The following KANSL2 variants were observed in gnomAD, a reference collection of about 807,000 sequenced individuals.
KANSL2 encodes the protein NSL complex protein NSL2.
A neutral mutation model predicts 55.6 loss-of-function variants in KANSL2; 34 were observed. That is an observed-to-expected ratio of 0.61 (90% confidence interval 0.46 to 0.81). The LOEUF (loss-of-function observed/expected upper bound fraction) is 0.81. Among genes scored for constraint, KANSL2 ranks in the 40% least tolerant of loss-of-function variants. The pLI, the probability that KANSL2 is intolerant of heterozygous loss-of-function variation, is 0.00. For synonymous variants in KANSL2, 209 were observed against 214.3 expected, an observed-to-expected ratio of 0.98 and a Z score of 0.22; for missense variants, 502 against 609.9, an observed-to-expected ratio of 0.82 and a Z score of 1.86.
At chr12:48,662,839 T>C (rs940891217) in intron 7 of KANSL2, among the ~76,000 whole-genome samples, 1 of 152,214 alleles carries the variant, frequency 6.6e-6, no homozygotes, top group Admixed American at 6.5e-5. Flanking sequence ...CCTTAGTATC[T>C]GTAAACTGAG....
chr12:48,662,572 G>A, intron 7 of KANSL2: 2 of 1,284,038 alleles, frequency 1.6e-6, no homozygotes, highest in South Asian at 2.5e-5. Context: ...CTAGAGTCTG[G>A]GTCCTTCACT....
chr12:48,666,570 G>A (rs1266549194), intron 7 of KANSL2, among the ~76,000 whole-genome samples: 3 of 151,226 alleles, frequency 2.0e-5, no homozygotes, highest in Admixed American at 6.6e-5. Context: ...GCACGTGCCT[G>A]TAATCCCAGC....
intron 7 of KANSL2, among the ~76,000 whole-genome samples, chr12:48,664,934 T>G (rs1391814552): frequency 4.4e-5 from 6 of 137,894 alleles, no homozygotes; most frequent in Non-Finnish European, 7.7e-5. Context: ...TCACCCAAAG[T>G]AGAATGCAGT....
intron 7 of KANSL2, among the ~76,000 whole-genome samples, chr12:48,660,907 C>T (rs1234102169): frequency 6.6e-6 from 1 of 152,140 alleles, no homozygotes; most frequent in African/African-American, 2.4e-5. Flanking sequence ...CTCCCTTAAG[C>T]AAGTAGCAGT....
Position 48,653,968 on chromosome 12 carries a change from G to C in KANSL2, c.*76C>G. 7.0e-7 allele frequency: 1 copy of C among 1,428,060 alleles called. No individual in the cohort carries two copies. Among genetic ancestry groups the C allele is most frequent in the Non-Finnish European group, 9.4e-7 (1 of 1,069,164 alleles). 88.5% of individuals were successfully genotyped at this position (1,428,060 alleles called of 1,614,324 possible). ...AGGTAGTCTGGGTTGCCTGTGTTTT[G>C]TGAGAGATGATCAGAAATACTTCTT... On this transcript the variant is annotated 3_prime_UTR_variant, in exon 10 of 10. Transcript: ENST00000420613.
chr12:48,675,432 G>A (rs1481857318), intron 4 of KANSL2, among the ~76,000 whole-genome samples: 2 of 152,038 alleles, frequency 1.3e-5, no homozygotes, highest in Admixed American at 6.6e-5. Context: ...GGTTTCACAA[G>A]GTGACTAAGT....
intron 5 of KANSL2, among the ~76,000 whole-genome samples, chr12:48,669,595 G>A (rs1463075714): frequency 6.6e-6 from 1 of 151,312 alleles, no homozygotes; most frequent in Admixed American, 6.6e-5. Flanking sequence ...TTGGCTCACT[G>A]CAAGCTCCGC....
rs532320833 is a variant in KANSL2 at position 48,681,343 on chromosome 12, G to A, written c.251+39C>T. 1.9e-6 allele frequency: 3 copies of A among 1,558,910 alleles called. No homozygotes were observed. In the South Asian group the frequency reaches 3.7e-5, roughly 19 times the overall value. On this transcript the variant is annotated intron_variant, in intron 2 of 9. Coordinates refer to ENST00000420613, the MANE Select transcript of KANSL2 (RefSeq NM_017822.4). ...CCCGCATCATATCACATACCCCCTCGCTTTAAGAAAAACGACATATATATC... is the reference window on the plus strand; with the variant it reads ...CCCGCATCATATCACATACCCCCTCACTTTAAGAAAAACGACATATATATC...
intron 8 of KANSL2, 100 bp downstream of exon 8, chr12:48,660,266 T>G: frequency 8.0e-7 from 1 of 1,255,808 alleles, no homozygotes; most frequent in South Asian, 1.5e-5. Flanking sequence ...TTCAAAAACT[T>G]TGTCGATTCT....
intron 5 of KANSL2, among the ~76,000 whole-genome samples, chr12:48,671,274 T>TTA (rs1555155291): frequency 4.3e-4 from 61 of 142,316 alleles, no homozygotes; most frequent in African/African-American, 1.6e-3. Flanking sequence ...CCGTCTCAAT[T>TTA]AAAAAAAAAA....
chr12:48,662,461 T>C, intron 7 of KANSL2: 3 of 1,095,268 alleles, frequency 2.7e-6, no homozygotes, highest in Non-Finnish European at 3.4e-6. Context: ...ATGTATTTAA[T>C]ACCACAATAT....
At chr12:48,666,176 A>G (rs948795316) in intron 7 of KANSL2, among the ~76,000 whole-genome samples, 9 of 152,246 alleles carry the variant, frequency 5.9e-5, no homozygotes, top group Admixed American at 4.6e-4. Context: ...ATGCCACTGC[A>G]CTCCAACTTG....
At chr12:48,656,815 A>G (rs1461393645) in intron 8 of KANSL2, 1 of 476,708 alleles carries the variant, frequency 2.1e-6, no homozygotes, top group Non-Finnish European at 4.1e-6. Context: ...ATATCAAACT[A>G]ACTTTCATGC....
At chr12:48,672,426 TATATA>T (rs1939739695) in intron 4 of KANSL2, among the ~76,000 whole-genome samples, 2 of 115,790 alleles carry the variant, frequency 1.7e-5, no homozygotes, top group African/African-American at 6.6e-5. Context: ...TATATATATA[TATATA>T]TATTTTTTTT....
chr12:48,675,329 C>T (rs1226308699), intron 4 of KANSL2, among the ~76,000 whole-genome samples: 2 of 152,252 alleles, frequency 1.3e-5, no homozygotes, highest in East Asian at 3.9e-4. Context: ...TTGCTTGAAC[C>T]CAGGAGGCAA....
intron 4 of KANSL2, among the ~76,000 whole-genome samples, chr12:48,676,530 C>T (rs1037881277): frequency 5.3e-5 from 8 of 152,048 alleles, no homozygotes; most frequent in African/African-American, 1.2e-4. Flanking sequence ...TGGTGGCGGG[C>T]ACCTGTAATC....
At chr12:48,663,709 C>G (rs909454927) in intron 7 of KANSL2, among the ~76,000 whole-genome samples, 1 of 152,034 alleles carries the variant, frequency 6.6e-6, no homozygotes, top group Admixed American at 6.6e-5. Flanking sequence ...GACATATAAA[C>G]ATATAAAATA....
chr12:48,656,156 G>A (rs1688787477), intron 8 of KANSL2, among the ~76,000 whole-genome samples: 1 of 152,126 alleles, frequency 6.6e-6, no homozygotes, highest in Non-Finnish European at 1.5e-5. Flanking sequence ...ACAAGGGAAA[G>A]GGAGAAGGTA....
At chr12:48,667,218 G>T (rs1939617886) in intron 7 of KANSL2, among the ~76,000 whole-genome samples, 1 of 151,986 alleles carries the variant, frequency 6.6e-6, no homozygotes, top group Admixed American at 6.6e-5. Flanking sequence ...ATACAGAAGT[G>T]AGGGCCCTAA....
Sources: allele counts gnomAD v4.1 joint callset (sites outside exome capture counted in the v4.1 genomes callset), GRCh38; gene constraint gnomAD v4.1.1; transcripts MANE v1.5; gene names NCBI Gene and HGNC (gene_info 2026-07-23, HGNC 2026-07-21).